The following EPB42 variants were observed in gnomAD, a reference collection of about 807,000 sequenced individuals.
The protein encoded by EPB42 is erythrocyte membrane protein band 4.2, also known as protein 4.2.
Under a neutral mutation model 76.9 loss-of-function variants are expected in EPB42, and 49 were observed. The observed-to-expected ratio is 0.64, with a 90% CI of 0.51 to 0.81. EPB42 has a LOEUF of 0.81. Among genes scored for constraint, EPB42 ranks in the 30% least tolerant of loss-of-function variants. The pLI, the probability that EPB42 is intolerant of heterozygous loss-of-function variation, is 0.00. For missense variants in EPB42, 731 were observed against 867.6 expected (o/e 0.84, Z 1.98); for synonymous variants, 310 against 338.4 (o/e 0.92, Z 0.92).
rs555322831 is a variant in EPB42, at chr15:43,219,407, G to C, written c.10+1409C>G. 3.9e-5 allele frequency among the ~76,000 whole-genome samples: 6 copies of C among 152,118 alleles called. 1 individual carries two copies. The highest frequency in any genetic ancestry group is 1.2e-4 in the African/African-American group (5 of 41,502). ...CTGTGTTTAAGAACTGGTTCACAAG[G>C]TTCCTCAAAATTTAGCAATTGGCTC... On this transcript the variant is annotated intron_variant, in intron 1 of 12. Transcript: ENST00000441366.
At chr15:43,221,378 T>A (rs545331414), upstream of EPB42, among the ~76,000 whole-genome samples, 7 of 152,166 alleles carry the variant, frequency 4.6e-5, no homozygotes, top group Non-Finnish European at 1.0e-4. Context: ...GCATCTGCAA[T>A]TTATCTGTGT....
intron 1 of EPB42, among the ~76,000 whole-genome samples, chr15:43,219,997 C>T (rs886228740): frequency 1.3e-5 from 2 of 151,586 alleles, no homozygotes; most frequent in Non-Finnish European, 2.9e-5. Flanking sequence ...TTTCACAAGA[C>T]GTGGCTGAGA....
rs970217695 is a variant in EPB42, at chr15:43,214,976, G to A, written c.430+119C>T. On this transcript the variant is annotated intron_variant, in intron 3 of 12. Transcript: ENST00000441366. Reference sequence around the variant, plus strand: ...GCCCTGGCACAGACTGGGTGTTGGTGCTGTCCTTAGAGAGGGCTGCCACAG... The same window carrying A: ...GCCCTGGCACAGACTGGGTGTTGGTACTGTCCTTAGAGAGGGCTGCCACAG... 10 of 857,210 alleles carry A rather than the reference G, an allele frequency of 1.2e-5. No individual in the cohort carries two copies. In the African/African-American group the frequency reaches 1.5e-4, roughly 13 times the overall value. 53.1% of individuals were successfully genotyped at this position (857,210 alleles called of 1,614,324 possible).
intron 4 of EPB42, 110 bp downstream of exon 4, chr15:43,211,306 A>C: frequency 1.3e-6 from 1 of 796,316 alleles, no homozygotes; most frequent in Non-Finnish European, 2.3e-6. Context: ...TGGGCTAAAG[A>C]AATGGTCTCA....
rs1376456335 is a variant in EPB42 at position 43,220,994 on chromosome 15, C to A, written c.-169G>T. 3 of 663,990 alleles carry A rather than the reference C, an allele frequency of 4.5e-6. No individual in the cohort carries two copies. The Admixed American group carries it at 6.4e-5, about 14-fold the overall frequency. 41.1% of individuals were successfully genotyped at this position (663,990 alleles called of 1,614,324 possible). On this transcript the variant is annotated 5_prime_UTR_variant, in exon 1 of 13. Coordinates refer to ENST00000441366, the MANE Select transcript of EPB42 (RefSeq NM_001114134.2). ...AACCTCCCCCCACTACTCCTGTGAG[C>A]ACCCTGACATGTTTCTTCTCTCCTA...
rs770587575 is a variant in EPB42, at chr15:43,201,947, G to C, written c.1810C>G (p.Leu604Val). ...MPEKAEQYQP[L>V]TASVSLQNSL... is the part of the protein sequence containing the mutation. ...TTCTGGAGGCTGACTGAGGCTGTGA[G>C]GGGTTGATACTGCTCTGCTTTCTCT... is the stretch of plus-strand genomic sequence containing the variant. Residue 604 changes from leucine to valine, a missense_variant, in exon 12 of 13, where the codon CTC (leucine) becomes GTC (valine). Transcript: ENST00000441366. 1.2e-6 allele frequency: 2 copies of C among 1,614,180 alleles called. No individual in the cohort carries two copies. Among genetic ancestry groups the C allele is most frequent in the South Asian group, 1.1e-5 (1 of 91,084 alleles).
intron 3 of EPB42, among the ~76,000 whole-genome samples, chr15:43,214,282 T>C (rs2042342605): frequency 6.6e-6 from 1 of 152,164 alleles, no homozygotes; most frequent in African/African-American, 2.4e-5. Context: ...CAGATGGCCA[T>C]TTCTAGACGA....
chr15:43,197,792 C>G (rs926573930), intron 12 of EPB42, among the ~76,000 whole-genome samples: 1 of 152,018 alleles, frequency 6.6e-6, no homozygotes, highest in African/African-American at 2.4e-5. Context: ...TGGCTGTGTC[C>G]CCACCCAAAT....
At chr15:43,222,015 C>T (rs760751977), upstream of EPB42, among the ~76,000 whole-genome samples, 5 of 151,570 alleles carry the variant, frequency 3.3e-5, no homozygotes, top group African/African-American at 4.8e-5. Flanking sequence ...TGGTGGCAGG[C>T]GCCTGTACTC....
chr15:43,219,135 C>T (rs1222641465), intron 1 of EPB42, among the ~76,000 whole-genome samples: 1 of 152,124 alleles, frequency 6.6e-6, no homozygotes, highest in South Asian at 2.1e-4. Flanking sequence ...TAAACTACGC[C>T]CCCTGTGGCC....
Position 43,210,442 on chromosome 15 carries a change from G to A in EPB42, c.550-3C>T. On this transcript the variant is annotated splice_region_variant and splice_polypyrimidine_tract_variant and intron_variant, in intron 4 of 12. Coordinates refer to ENST00000441366, the MANE Select transcript of EPB42 (RefSeq NM_001114134.2). ...AGGTCAATGACATCCCCCTCGAACT[G>A]TTAAGGATCACACAGGGCCATGATG... 6.2e-7 allele frequency: 1 copy of A among 1,613,214 alleles called. No homozygotes were observed. Among genetic ancestry groups the A allele is most frequent in the Non-Finnish European group, 8.5e-7 (1 of 1,179,730 alleles).
chr15:43,213,879 CAGA>C (rs1444573516), intron 3 of EPB42, among the ~76,000 whole-genome samples: 4 of 152,182 alleles, frequency 2.6e-5, no homozygotes, highest in African/African-American at 9.7e-5. Context: ...CTGCCCTGGA[CAGA>C]AGAAGTGGAG....
rs2042212713 is a variant in EPB42 at position 43,206,863 on chromosome 15, A to G, written c.1319-234T>C. On this transcript the variant is annotated intron_variant, in intron 9 of 12. Transcript: ENST00000441366. The surrounding 1 kb of genome is among the most constrained non-coding windows in gnomAD (Gnocchi z 4.7). ...AGGACCAAGTTCTTTTTCAAGTGCT[A>G]TGAATTCTCCCCTTGAATGATGAGA... Among the ~76,000 whole-genome samples the G allele has an allele frequency of 6.6e-6, 1 of 152,138 alleles. No individual in the cohort carries two copies. Among genetic ancestry groups the G allele is most frequent in the African/African-American group, 2.4e-5 (1 of 41,436 alleles).
chr15:43,204,647 C>T lies in EPB42; in HGVS notation c.1619-1372G>A, dbSNP rs138611092. ...CAGAAGCACCCACCACACACATATACACATTCACACATTCACAAGCCCCAT... is the reference window on the plus strand; with the variant it reads ...CAGAAGCACCCACCACACACATATATACATTCACACATTCACAAGCCCCAT... On this transcript the variant is annotated intron_variant, in intron 10 of 12. Coordinates refer to ENST00000441366, the MANE Select transcript of EPB42 (RefSeq NM_001114134.2). 7.4e-4 allele frequency among the ~76,000 whole-genome samples: 112 copies of T among 152,290 alleles called. 1 individual carries two copies. The East Asian group carries it at 0.021, about 29-fold the overall frequency.
chr15:43,205,696 A>G (rs1248111461), intron 10 of EPB42, among the ~76,000 whole-genome samples: 1 of 152,182 alleles, frequency 6.6e-6, no homozygotes, highest in Non-Finnish European at 1.5e-5. Flanking sequence ...CACTGCGTCC[A>G]GCCCACCATA....
chr15:43,206,647 CA>C lies in EPB42; in HGVS notation c.1319-19del. On this transcript the variant is annotated intron_variant, in intron 9 of 12. Transcript: ENST00000441366. This position sits in a 1 kb window ranked among gnomAD's most constrained non-coding sequence, Gnocchi z 4.7. ...AAGAGACCCTGGAGAAGGGAAGAAACAAAGCTGACCTTTTACCCGGGTGGTA... is the reference window on the plus strand; with the variant it reads ...AAGAGACCCTGGAGAAGGGAAGAAACAAGCTGACCTTTTACCCGGGTGGTA... The C allele has an allele frequency of 6.2e-7, 1 of 1,614,064 alleles. No homozygotes were observed. The highest frequency in any genetic ancestry group is 8.5e-7 in the Non-Finnish European group (1 of 1,179,980).
At chr15:43,221,285 C>A (rs2042457732), upstream of EPB42, among the ~76,000 whole-genome samples, 2 of 152,282 alleles carry the variant, frequency 1.3e-5, no homozygotes, top group South Asian at 4.1e-4. Context: ...CCATATCCAA[C>A]TCCAAATCTC....
chr15:43,201,779 C>G (rs2042129497), intron 12 of EPB42, 65 bp downstream of exon 12: 8 of 1,610,738 alleles, frequency 5.0e-6, no homozygotes, highest in East Asian at 2.2e-5. Context: ...GAGTTTCTCT[C>G]TTGGGCCCTG....
intron 3 of EPB42, among the ~76,000 whole-genome samples, chr15:43,211,972 G>C (rs2042305194): frequency 6.6e-6 from 1 of 152,248 alleles, no homozygotes; most frequent in South Asian, 2.1e-4. Context: ...GGAGGCTGAA[G>C]CGGGAGGAAA....
Sources: allele counts gnomAD v4.1 joint callset (sites outside exome capture counted in the v4.1 genomes callset), GRCh38; gene constraint gnomAD v4.1.1; non-coding constraint Gnocchi (gnomAD v3.1); transcripts MANE v1.5; gene names NCBI Gene and HGNC (gene_info 2026-07-23, HGNC 2026-07-21).